The following EIF2AK4 variants were observed in gnomAD, a reference collection of about 807,000 sequenced individuals.
The protein encoded by EIF2AK4 is eIF-2-alpha kinase GCN2.
EIF2AK4 carries 139 observed loss-of-function variants against 211.1 expected under a neutral mutation model. The ratio of observed to expected loss-of-function variants is 0.66; its 90% CI spans 0.57 to 0.76. The LOEUF (loss-of-function observed/expected upper bound fraction) is 0.76, where lower values mean the gene tolerates loss of function less well. EIF2AK4 is among the 30% of genes least tolerant of loss of function. The pLI, the probability that EIF2AK4 is intolerant of heterozygous loss-of-function variation, is 0.00. For synonymous variants in EIF2AK4, 710 were observed against 751.3 expected (o/e 0.94, Z 0.90); for missense variants, 1,664 against 2,043.8 (o/e 0.81, Z 3.58).
At chr15:39,991,300 C>T (rs1247417615) in intron 16 of EIF2AK4, 1 of 152,184 alleles carries the variant, frequency 6.6e-6, no homozygotes, top group African/African-American at 2.4e-5. Flanking sequence ...AGTGCTGAGA[C>T]CAAGGACGGG....
intron 25 of EIF2AK4, among the ~76,000 whole-genome samples, 190 bp from the exon 26 acceptor site, chr15:40,009,424 T>TTAA (rs2035207368): frequency 2.0e-5 from 3 of 151,874 alleles, no homozygotes; most frequent in African/African-American, 7.3e-5. Context: ...AATATAGTAT[T>TTAA]AAATTAGAGT....
At chr15:40,001,327 T>A in intron 21 of EIF2AK4, 103 bp downstream of exon 21, 18 of 1,169,510 alleles carry the variant, frequency 1.5e-5, no homozygotes, top group Non-Finnish European at 2.2e-5. Context: ...TAAGTTCTTA[T>A]GTGAGGTATT....
chr15:40,028,025 G>T (rs1214942237), intron 33 of EIF2AK4, among the ~76,000 whole-genome samples: 1 of 151,350 alleles, frequency 6.6e-6, no homozygotes, highest in Non-Finnish European at 1.5e-5. Context: ...TGGTTAGTGG[G>T]ATTACAAGGG....
At position 40,007,018 on chromosome 15, in the gene EIF2AK4, C is replaced by A. The variant is rs1395660742; in HGVS notation, c.3360C>A (p.Ile1120=). The A allele has an allele frequency of 6.3e-7, 1 of 1,594,448 alleles. No homozygotes were observed. The change falls in exon 24 of 39, where the codon ATC becomes ATA. Residue 1120 remains isoleucine (I), a splice_region_variant and synonymous_variant. Transcript: ENST00000263791. ...MLVMLPFDLR[I]PFARYVARNN... ...TTCATATTTTGTTTATTTTTCAGAT[C>A]CCTTTTGCAAGATATGTGGCAAGAA...
intron 6 of EIF2AK4, among the ~76,000 whole-genome samples, chr15:39,957,320 C>T (rs1341928559): frequency 6.6e-6 from 1 of 152,060 alleles, no homozygotes; most frequent in African/African-American, 2.4e-5. Flanking sequence ...TGTGTGACCC[C>T]AACACTTTGG....
At chr15:40,007,893 G>A (rs2035182387) in intron 24 of EIF2AK4, 134 bp from the exon 25 acceptor site, 2 of 647,906 alleles carry the variant, frequency 3.1e-6, no homozygotes, top group African/African-American at 1.9e-5. Context: ...GGTCAAATTT[G>A]TCTTTCAGTC....
intron 23 of EIF2AK4, among the ~76,000 whole-genome samples, chr15:40,004,721 T>A (rs34394734): frequency 0.19 from 29,194 of 152,034 alleles, 3,057 homozygotes; most frequent in Non-Finnish European, 0.24. Flanking sequence ...AAAGAAAATT[T>A]AAAAATTTTT....
At chr15:39,990,211 G>A (rs1045257870) in intron 15 of EIF2AK4, 62 bp from the exon 16 acceptor site, 35 of 1,515,504 alleles carry the variant, frequency 2.3e-5, no homozygotes, top group Non-Finnish European at 3.2e-5. Context: ...TTTTAAATTA[G>A]GAAGTAGGTA....
chr15:40,020,997 C>T lies in EIF2AK4; in HGVS notation c.4272C>T (p.Ile1424=). Residue 1424 remains isoleucine, a synonymous_variant, in exon 31 of 39, where the codon ATC becomes ATT. Transcript: ENST00000263791. ...CCCAGAAACTCTGGACAGCAGGCATCACAGCAGAAATCATGTACGACTGGT... is the reference window on the plus strand; with the variant it reads ...CCCAGAAACTCTGGACAGCAGGCATTACAGCAGAAATCATGTACGACTGGT... ...NLTQKLWTAG[I]TAEIMYDWSQ... is the part of the protein sequence containing the mutation. 2 of 1,613,814 alleles carry T rather than the reference C, an allele frequency of 1.2e-6. No homozygotes were observed.
intron 20 of EIF2AK4, 76 bp from the exon 21 acceptor site, chr15:40,000,912 A>C: frequency 6.9e-7 from 1 of 1,440,878 alleles, no homozygotes; most frequent in Admixed American, 1.7e-5. Flanking sequence ...ACCTGAACTG[A>C]CTACTGACTT....
intron 6 of EIF2AK4, among the ~76,000 whole-genome samples, chr15:39,958,952 C>T (rs1427256850): frequency 6.6e-6 from 1 of 151,850 alleles, no homozygotes; most frequent in Non-Finnish European, 1.5e-5. Context: ...GTATCAAGCT[C>T]CTAGCTGCCT....
rs543513730 is a variant in EIF2AK4, at chr15:39,936,888, AT to A, written c.144+2550del. On this transcript the variant is annotated intron_variant, in intron 1 of 38. Coordinates refer to ENST00000263791, the MANE Select transcript of EIF2AK4 (RefSeq NM_001013703.4). The stretch of plus-strand genomic sequence containing the variant: ...ATTTCACACTGAACAAATAAACACT[AT>A]AACTAACCTCATGTCAGTTCAGGCT... 9.8e-5 allele frequency among the ~76,000 whole-genome samples: 15 copies of A among 152,364 alleles called. No homozygotes were observed. In the South Asian group the frequency reaches 2.7e-3, roughly 27 times the overall value.
chr15:40,033,129 C>T (rs559806574), intron 37 of EIF2AK4, among the ~76,000 whole-genome samples: 5 of 152,306 alleles, frequency 3.3e-5, no homozygotes, highest in African/African-American at 9.6e-5. Flanking sequence ...CTCATTTAAT[C>T]ATTACCACCC....
chr15:40,018,316 A>G (rs534257663), intron 29 of EIF2AK4, among the ~76,000 whole-genome samples: 19 of 152,160 alleles, frequency 1.2e-4, no homozygotes, highest in Non-Finnish European at 2.5e-4. Context: ...TTTAGTTTCA[A>G]ATTAAATCAT....
intron 9 of EIF2AK4, among the ~76,000 whole-genome samples, chr15:39,971,072 G>C (rs1405595209): frequency 3.3e-5 from 5 of 152,208 alleles, no homozygotes; most frequent in Non-Finnish European, 5.9e-5. Flanking sequence ...GTGCTACCAA[G>C]TCGTACTACT....
rs748410092 is a variant in EIF2AK4 at position 39,943,411 on chromosome 15, A to C, written c.286A>C (p.Lys96Gln). 2 of 1,557,974 alleles carry C rather than the reference A, an allele frequency of 1.3e-6. No homozygotes were observed. The highest frequency in any genetic ancestry group is 1.7e-6 in the Non-Finnish European group (2 of 1,161,146). ...VVPEIELKNA[K>Q]GLSNESVNLL... is the part of the protein sequence containing the mutation. ...TCCTGAAATAGAGTTAAAAAATGCC[A>C]AAGGTCTATCAAATGAAAGTGTCAA... The change falls in exon 3 of 39, where the codon AAA (lysine) becomes CAA (glutamine). Residue 96 changes from lysine to glutamine, a missense_variant. By Grantham distance (53) the Lys-to-Gln change is moderately conservative. This residue lies in a region of EIF2AK4 where 641 missense variants were observed against 729.6 expected (regional missense o/e 0.88). Transcript: ENST00000263791.
intron 9 of EIF2AK4, among the ~76,000 whole-genome samples, chr15:39,969,873 C>T (rs2034599899): frequency 2.0e-5 from 3 of 152,156 alleles, no homozygotes; most frequent in Admixed American, 6.5e-5. Flanking sequence ...TTAGTGAACA[C>T]CCTTTGGAGC....
At position 39,943,971 on chromosome 15, in the gene EIF2AK4, AAAG is replaced by A. The variant is rs59066897; in HGVS notation, c.360+495_360+497del. ...CCCTCTCTCTTAAAAAAAAAGAAAA[AAAG>A]AAGAAGAATTTTTCTGAAAACAGTT... is the stretch of plus-strand genomic sequence containing the variant. On this transcript the variant is annotated intron_variant, in intron 3 of 38. Coordinates refer to ENST00000263791, the MANE Select transcript of EIF2AK4 (RefSeq NM_001013703.4). Among the ~76,000 whole-genome samples, 84 of 151,952 alleles carry A rather than the reference AAAG, an allele frequency of 5.5e-4. 2 individuals carry two copies. The highest frequency in any genetic ancestry group is 1.0e-3 in the Non-Finnish European group (69 of 68,020).
In EIF2AK4 at chr15:39,973,026, A is replaced by T. The variant is rs55851223; in HGVS notation, c.1660+12A>T. 1,728 of 1,604,024 alleles carry T rather than the reference A, an allele frequency of 1.1e-3. 17 individuals are homozygous for T. In the African/African-American group the frequency reaches 0.018, roughly 17 times the overall value. On this transcript the variant is annotated intron_variant, in intron 10 of 38. Transcript: ENST00000263791. ...ACAAAGTCCTGAAGGTGAGTCTGTT[A>T]CCTTTCTTTATTTGGTAACCTGTTT... is the stretch of plus-strand genomic sequence containing the variant.
Sources: allele counts gnomAD v4.1 joint callset (sites outside exome capture counted in the v4.1 genomes callset), GRCh38; gene constraint gnomAD v4.1.1; regional missense constraint gnomAD v4.1.1; transcripts MANE v1.5; gene names NCBI Gene and HGNC (gene_info 2026-07-23, HGNC 2026-07-21).